SNTG1: variants seen among roughly 807,000 people sequenced by gnomAD.
SNTG1 encodes syntrophin gamma 1.
Under a neutral mutation model 74.7 loss-of-function variants are expected in SNTG1, and 39 were observed. The ratio of observed to expected loss-of-function variants is 0.52; its 90% CI spans 0.40 to 0.68. The LOEUF (loss-of-function observed/expected upper bound fraction) is 0.68, where lower values mean the gene tolerates loss of function less well. Ranked by LOEUF, SNTG1 falls within the 30% of genes least tolerant of loss-of-function variation. SNTG1 has a pLI of 0.00. For missense variants in SNTG1, 685 were observed against 609.5 expected (o/e 1.12, Z -1.30); for synonymous variants, 254 against 217.1 (o/e 1.17, Z -1.49).
intron 8 of SNTG1, among the ~76,000 whole-genome samples, chr8:50,463,534 G>A (rs1421820026): frequency 6.6e-6 from 1 of 152,216 alleles, no homozygotes; most frequent in Non-Finnish European, 1.5e-5. Flanking sequence ...TGAATTGTCA[G>A]TGAGCAGTAA....
At chr8:49,938,825 A>G (rs556090383) in intron 1 of SNTG1, among the ~76,000 whole-genome samples, 152 of 151,748 alleles carry the variant, frequency 1.0e-3, no homozygotes, top group African/African-American at 3.2e-3. Context: ...TTAAATTTCA[A>G]ATCTTGTTCT....
In SNTG1 at chr8:50,634,210, A is replaced by G. The variant is rs574520253; in HGVS notation, c.850-22699A>G. On this transcript the variant is annotated intron_variant, in intron 13 of 18. Transcript: ENST00000642720. ...CCTAAATAAACCTCATTATATTTTT[A>G]CTGACATTTAATCTGTTGCCAATAG... Among the ~76,000 whole-genome samples the G allele has an allele frequency of 1.4e-3, 211 of 152,296 alleles. 2 individuals carry two copies. The highest frequency in any genetic ancestry group is 4.1e-4 in the Non-Finnish European group (28 of 68,030).
chr8:50,527,910 T>G (rs2094235223), intron 9 of SNTG1, among the ~76,000 whole-genome samples: 1 of 152,028 alleles, frequency 6.6e-6, no homozygotes, highest in Non-Finnish European at 1.5e-5. Context: ...TATATGCATT[T>G]TATGTTTTAA....
At chr8:50,619,811 C>G (rs1268462049) in intron 13 of SNTG1, among the ~76,000 whole-genome samples, 1 of 151,160 alleles carries the variant, frequency 6.6e-6, no homozygotes, top group African/African-American at 2.4e-5. Context: ...TACTAAGACT[C>G]CTATTATCTT....
intron 1 of SNTG1, among the ~76,000 whole-genome samples, chr8:50,127,866 T>G (rs1343080971): frequency 6.6e-6 from 1 of 152,170 alleles, no homozygotes; most frequent in Non-Finnish European, 1.5e-5. Flanking sequence ...TGTTTTGTTT[T>G]TCTGACTGTG....
intron 1 of SNTG1, among the ~76,000 whole-genome samples, chr8:50,023,136 G>A (rs1277321730): frequency 6.6e-6 from 1 of 152,132 alleles, no homozygotes; most frequent in Non-Finnish European, 1.5e-5. Context: ...TCAGGCTCTG[G>A]AAGAACAGAG....
intron 2 of SNTG1, among the ~76,000 whole-genome samples, chr8:50,353,767 CATT>C (rs1402530634): frequency 6.6e-6 from 1 of 152,192 alleles, no homozygotes; most frequent in Non-Finnish European, 1.5e-5. Flanking sequence ...AACCCACACT[CATT>C]ATGGTAGCAG....
In SNTG1 at chr8:50,068,299, C is replaced by T. The variant is rs777479910; in HGVS notation, c.-102-104262C>T. Among the ~76,000 whole-genome samples, 21 of 152,258 alleles carry T rather than the reference C, an allele frequency of 1.4e-4. No individual in the cohort carries two copies. In the South Asian group the frequency reaches 1.9e-3, roughly 14 times the overall value. Reference sequence around the variant, plus strand: ...AGGCATTATCCTCAGGCAGATTACCCGTGCGTGGTATCCTTGTTAATTGTA... The same window carrying T: ...AGGCATTATCCTCAGGCAGATTACCTGTGCGTGGTATCCTTGTTAATTGTA... On this transcript the variant is annotated intron_variant, in intron 1 of 18. Transcript: ENST00000642720.
chr8:50,476,933 G>T (rs1314796185), intron 8 of SNTG1, among the ~76,000 whole-genome samples: 2 of 151,358 alleles, frequency 1.3e-5, no homozygotes, highest in East Asian at 1.9e-4. Context: ...TGTCAAAGGA[G>T]CAAAGGAGCC....
intron 11 of SNTG1, among the ~76,000 whole-genome samples, chr8:50,548,141 T>C (rs2130550819): frequency 6.6e-6 from 1 of 152,306 alleles, no homozygotes; most frequent in African/African-American, 2.4e-5. Context: ...AATCCTGCTA[T>C]GCCAGGAAGA....
chr8:50,246,760 C>T lies in SNTG1; in HGVS notation c.-28+74125C>T, dbSNP rs548255372. ...TAGGAAGATATCATGATTTGACCCT[C>T]CAGAGAGTCAACAAATAAAATGCCT... On this transcript the variant is annotated intron_variant, in intron 2 of 18. Transcript: ENST00000642720. 3.2e-4 allele frequency among the ~76,000 whole-genome samples: 49 copies of T among 152,230 alleles called. No individual in the cohort carries two copies. The South Asian group carries it at 9.7e-3, about 30-fold the overall frequency.
At chr8:50,476,558 G>A (rs1345138882) in intron 8 of SNTG1, among the ~76,000 whole-genome samples, 1 of 152,158 alleles carries the variant, frequency 6.6e-6, no homozygotes, top group African/African-American at 2.4e-5. Flanking sequence ...AGAATGGTCT[G>A]TGTGGTAATG....
chr8:49,987,836 G>A (rs976390690), intron 1 of SNTG1, among the ~76,000 whole-genome samples: 2 of 151,978 alleles, frequency 1.3e-5, no homozygotes, highest in East Asian at 3.9e-4. Context: ...TTTCGGTAGA[G>A]CCGGGGTTTC....
rs147111063 is a variant in SNTG1 at position 50,489,774 on chromosome 8, T to A, written c.364-13004T>A. On this transcript the variant is annotated intron_variant, in intron 8 of 18. Transcript: ENST00000642720. The stretch of plus-strand genomic sequence containing the variant: ...CTTTGGCTGTGGAGAAGCTCTTTAG[T>A]TTAACCCAATTTGTCAGTTTTGGCT... 4.6e-5 allele frequency among the ~76,000 whole-genome samples: 7 copies of A among 152,376 alleles called. No homozygotes were observed. The East Asian group carries it at 1.3e-3, about 29-fold the overall frequency.
At chr8:50,737,491 C>T (rs555381583) in intron 17 of SNTG1, among the ~76,000 whole-genome samples, 1 of 152,252 alleles carries the variant, frequency 6.6e-6, no homozygotes, top group African/African-American at 2.4e-5. Flanking sequence ...CAAAGAGGAT[C>T]TGGTACCACT....
At chr8:50,009,605 A>G (rs1454608954) in intron 1 of SNTG1, among the ~76,000 whole-genome samples, 2 of 151,892 alleles carry the variant, frequency 1.3e-5, no homozygotes, top group East Asian at 3.9e-4. Context: ...ATTATCTGAA[A>G]CCTTTTTCAT....
At chr8:50,175,458 G>A (rs2131677371) in intron 2 of SNTG1, among the ~76,000 whole-genome samples, 1 of 152,300 alleles carries the variant, frequency 6.6e-6, no homozygotes, top group Non-Finnish European at 1.5e-5. Context: ...AGAATCAATT[G>A]AAGGGGACAG....
At chr8:50,000,230 T>G (rs1241886524) in intron 1 of SNTG1, among the ~76,000 whole-genome samples, 7 of 152,138 alleles carry the variant, frequency 4.6e-5, no homozygotes, top group Non-Finnish European at 1.0e-4. Flanking sequence ...ATTGCTTACT[T>G]CCGGGCTTTT....
chr8:50,000,229 T>C (rs1814616944), intron 1 of SNTG1, among the ~76,000 whole-genome samples: 1 of 152,180 alleles, frequency 6.6e-6, no homozygotes, highest in South Asian at 2.1e-4. Context: ...GATTGCTTAC[T>C]TCCGGGCTTT....
Sources: gnomAD v4.1 joint callset for allele counts (sites outside exome capture counted in the v4.1 genomes callset) on GRCh38, gnomAD v4.1.1 for gene constraint, MANE v1.5 for transcripts, NCBI Gene and HGNC (gene_info 2026-07-23, HGNC 2026-07-21) for gene names.